Variants in FHIP2A observed in about 807,000 individuals in gnomAD.
FHIP2A encodes the protein FHF complex subunit HOOK interacting protein 2A, also known as family with sequence similarity 160 member B1.
Under a neutral mutation model 93.5 loss-of-function variants are expected in FHIP2A, and 46 were observed. The observed-to-expected ratio is 0.49, with a 90% CI of 0.39 to 0.63. FHIP2A has a LOEUF of 0.63. Among genes scored for constraint, FHIP2A ranks in the 20% least tolerant of loss-of-function variants. The pLI is 0.00. For missense variants in FHIP2A, 769 were observed against 909.7 expected (o/e 0.85, Z 1.99); for synonymous variants, 332 against 326.5 (o/e 1.02, Z -0.18).
At chr10:114,852,276 CA>C (rs1274417666) in intron 13 of FHIP2A, among the ~76,000 whole-genome samples, 1 of 152,172 alleles carries the variant, frequency 6.6e-6, no homozygotes, top group African/African-American at 2.4e-5. Context: ...TTTGGTTTAA[CA>C]TTCATTCTGT....
intron 2 of FHIP2A, among the ~76,000 whole-genome samples, chr10:114,831,330 G>A (rs888001864): frequency 6.6e-6 from 1 of 152,166 alleles, no homozygotes; most frequent in African/African-American, 2.4e-5. Context: ...TTAGGTTAGA[G>A]AAAACCTCAT....
chr10:114,877,940 T>TG (rs2083897406), intron 16 of FHIP2A, among the ~76,000 whole-genome samples: 1 of 152,114 alleles, frequency 6.6e-6, no homozygotes, highest in South Asian at 2.1e-4. Flanking sequence ...GAAGCAAAAA[T>TG]TTTTTAAAGG....
rs754211002 is a variant in FHIP2A, at chr10:114,862,288, A to G, written c.*748A>G. On this transcript the variant is annotated 3_prime_UTR_variant, in exon 17 of 17. Transcript: ENST00000369248. ...TTTCGCAGCAGTGTTCAATTTGCTC[A>G]CCATTGGTAGTGTTTGCTAAAATTG... The G allele has an allele frequency of 7.1e-6, 7 of 987,348 alleles. No individual in the cohort carries two copies. Among genetic ancestry groups the G allele is most frequent in the Non-Finnish European group, 8.4e-6 (7 of 830,104 alleles). The allele number at this position is 987,348 out of a possible 1,614,324, so 61.2% of individuals were successfully genotyped here.
intron 16 of FHIP2A, among the ~76,000 whole-genome samples, chr10:114,898,348 G>A (rs938420583): frequency 2.0e-5 from 3 of 152,268 alleles, no homozygotes; most frequent in East Asian, 3.9e-4. Context: ...TGCATGGCAC[G>A]TATATAGAAT....
chr10:114,897,452 A>G lies in FHIP2A; in HGVS notation c.2193-2038A>G, dbSNP rs992131751. ...GAAATTAAATGTATGTTCAAATGCTATTTCTTTACGGCACTGGGGCACAAG... is the reference window on the plus strand; with the variant it reads ...GAAATTAAATGTATGTTCAAATGCTGTTTCTTTACGGCACTGGGGCACAAG... On this transcript the variant is annotated intron_variant, in intron 16 of 16. Coordinates refer to the FHIP2A transcript ENST00000369250. Among the ~76,000 whole-genome samples the G allele has an allele frequency of 2.6e-5, 4 of 152,172 alleles. No individual in the cohort carries two copies. The East Asian group carries it at 5.8e-4, about 22-fold the overall frequency.
intron 1 of FHIP2A, among the ~76,000 whole-genome samples, chr10:114,828,132 G>C (rs994243621): frequency 1.3e-5 from 2 of 152,026 alleles, no homozygotes; most frequent in Non-Finnish European, 2.9e-5. Context: ...ATTCATGTTT[G>C]AACAAGATTA....
At chr10:114,859,321 A>G (rs985663707) in intron 14 of FHIP2A, among the ~76,000 whole-genome samples, 1 of 152,240 alleles carries the variant, frequency 6.6e-6, no homozygotes, top group Non-Finnish European at 1.5e-5. Flanking sequence ...AAAATGCCGA[A>G]GTCTGTAGCA....
intron 16 of FHIP2A, among the ~76,000 whole-genome samples, chr10:114,886,579 T>G (rs2083944055): frequency 6.6e-6 from 1 of 152,162 alleles, no homozygotes; most frequent in Non-Finnish European, 1.5e-5. Context: ...GAGTCTCGCT[T>G]TGTCACCCAG....
At position 114,854,133 on chromosome 10, in the gene FHIP2A, C is replaced by G. The variant is rs114723355; in HGVS notation, c.1804-1064C>G. ...CTGATAACTATCTGTAGTGAAAGAC[C>G]AGGGTTTTTTTTTTTTTTTTTATTT... On this transcript the variant is annotated intron_variant, in intron 13 of 16. Coordinates refer to ENST00000369248, the MANE Select transcript of FHIP2A (RefSeq NM_020940.4). 6.7e-3 allele frequency among the ~76,000 whole-genome samples: 1,013 copies of G among 150,188 alleles called. 12 individuals are homozygous for G. Among genetic ancestry groups the G allele is most frequent in the African/African-American group, 0.024 (968 of 40,754 alleles).
chr10:114,842,710 T>C (rs997400678), intron 5 of FHIP2A, among the ~76,000 whole-genome samples: 2 of 152,204 alleles, frequency 1.3e-5, no homozygotes, highest in African/African-American at 4.8e-5. Flanking sequence ...ATGGTCAGTG[T>C]AAAACATTTT....
At chr10:114,883,321 G>A (rs188638731) in intron 16 of FHIP2A, among the ~76,000 whole-genome samples, 8 of 152,194 alleles carry the variant, frequency 5.3e-5, no homozygotes, top group African/African-American at 1.7e-4. Flanking sequence ...TTGGACATCA[G>A]TTCTCCTCTT....
At chr10:114,874,648 G>A (rs969637620) in intron 16 of FHIP2A, among the ~76,000 whole-genome samples, 5 of 151,976 alleles carry the variant, frequency 3.3e-5, no homozygotes, top group Admixed American at 1.3e-4. Flanking sequence ...GATTACAGGC[G>A]CGTGCCACCA....
At chr10:114,824,401 C>G (rs987940621) in intron 1 of FHIP2A, among the ~76,000 whole-genome samples, 1 of 152,180 alleles carries the variant, frequency 6.6e-6, no homozygotes, top group Non-Finnish European at 1.5e-5. Flanking sequence ...CCTTAGCCTA[C>G]TTTGCTGAGG....
intron 15 of FHIP2A, 55 bp from the exon 16 acceptor site, chr10:114,861,176 A>T: frequency 6.3e-7 from 1 of 1,594,016 alleles, no homozygotes; most frequent in African/African-American, 1.4e-5. Context: ...TTAGATCCTG[A>T]GGTTGTCTGT....
At chr10:114,852,427 C>CT (rs2083742644) in intron 13 of FHIP2A, among the ~76,000 whole-genome samples, 1 of 152,180 alleles carries the variant, frequency 6.6e-6, no homozygotes. Context: ...TTGTTTCCTG[C>CT]TGTGGTCAGT....
intron 16 of FHIP2A, among the ~76,000 whole-genome samples, chr10:114,898,375 A>T (rs2084011018): frequency 6.6e-6 from 1 of 152,026 alleles, no homozygotes; most frequent in South Asian, 2.1e-4. Context: ...GGACATTCAT[A>T]CTCTTGCAAG....
At position 114,871,732 on chromosome 10, in the gene FHIP2A, C is replaced by T. The variant is rs1456577017; in HGVS notation, c.2192+10398C>T. Among the ~76,000 whole-genome samples, 3 of 152,258 alleles carry T rather than the reference C, an allele frequency of 2.0e-5. No homozygotes were observed. The East Asian group carries it at 5.8e-4, about 29-fold the overall frequency. On this transcript the variant is annotated intron_variant, in intron 16 of 16. Transcript: ENST00000369250. ...TTTCCAGGGAGGCTGGTACGCCCCT[C>T]ATTAATATATTTCTTAGTACCTCAG...
At chr10:114,837,052 C>T (rs1166871334) in intron 5 of FHIP2A, among the ~76,000 whole-genome samples, 2 of 152,034 alleles carry the variant, frequency 1.3e-5, no homozygotes, top group African/African-American at 4.8e-5. Context: ...CAGGTGTGCA[C>T]CACCACACCT....
At chr10:114,861,089 C>A in intron 15 of FHIP2A, 142 bp from the exon 16 acceptor site, 2 of 1,124,610 alleles carry the variant, frequency 1.8e-6, no homozygotes, top group South Asian at 1.7e-5. Context: ...AGGTATGAGT[C>A]CTTGGTTAAA....
Sources: allele counts gnomAD v4.1 joint callset (sites outside exome capture counted in the v4.1 genomes callset), GRCh38; gene constraint gnomAD v4.1.1; transcripts MANE v1.5; gene names NCBI Gene and HGNC (gene_info 2026-07-23, HGNC 2026-07-21).